PECR: variants seen among roughly 807,000 people sequenced by gnomAD.
PECR encodes 2,4-dienoyl-CoA reductase-related protein.
In PECR, 30 loss-of-function variants were observed where a neutral mutation model predicts 35.3. The ratio of observed to expected loss-of-function variants is 0.85; its 90% CI spans 0.64 to 1.15. PECR has a LOEUF of 1.15. Ranked by LOEUF, PECR falls within the 50% of genes most tolerant of loss-of-function variation. PECR has a pLI of 0.00. For synonymous variants in PECR, 148 were observed against 138.9 expected, an observed-to-expected ratio of 1.07 and a Z score of -0.46; for missense variants, 392 against 370.8, an observed-to-expected ratio of 1.06 and a Z score of -0.47.
chr2:216,031,570 GGAAGGAAAGAAA>G (rs1694700518), intron 7 of PECR, among the ~76,000 whole-genome samples: 1 of 140,052 alleles, frequency 7.1e-6, no homozygotes, highest in East Asian at 2.1e-4. Context: ...AGGGAAGGAA[GGAAGGAAAGAAA>G]GAAGGAAAGA....
chr2:216,080,885 C>T (rs889561541), intron 1 of PECR, among the ~76,000 whole-genome samples: 1 of 152,134 alleles, frequency 6.6e-6, no homozygotes, highest in Non-Finnish European at 1.5e-5. Flanking sequence ...AATCTAGTGG[C>T]TCAGCCTGTA....
At chr2:216,056,302 A>G (rs1461239970) in intron 4 of PECR, among the ~76,000 whole-genome samples, 1 of 152,216 alleles carries the variant, frequency 6.6e-6, no homozygotes, top group East Asian at 1.9e-4. Flanking sequence ...TCTATTGTAG[A>G]GGATACCTAA....
chr2:216,063,531 T>C (rs761284192), intron 3 of PECR, among the ~76,000 whole-genome samples: 7 of 151,580 alleles, frequency 4.6e-5, no homozygotes, highest in African/African-American at 9.7e-5. Context: ...GGCAGGAAAA[T>C]TGCTTGAACC....
chr2:216,054,236 G>T (rs1695179469), intron 4 of PECR, among the ~76,000 whole-genome samples: 1 of 148,630 alleles, frequency 6.7e-6, no homozygotes, highest in South Asian at 2.1e-4. Flanking sequence ...GCAGTGAGCC[G>T]AGATCGCACC....
At chr2:216,043,825 T>G in intron 7 of PECR, 79 bp downstream of exon 7, 1 of 751,552 alleles carries the variant, frequency 1.3e-6, no homozygotes, top group South Asian at 1.4e-5. Flanking sequence ...ATCTCTTAAG[T>G]AACTACTTAT....
intron 1 of PECR, among the ~76,000 whole-genome samples, chr2:216,079,753 G>C (rs1224097710): frequency 6.7e-6 from 1 of 149,622 alleles, no homozygotes. Context: ...AGGCCGAGGC[G>C]GGCGGATCAC....
intron 6 of PECR, 29 bp from the exon 7 acceptor site, chr2:216,044,044 G>A: frequency 8.2e-7 from 1 of 1,225,482 alleles, no homozygotes; most frequent in Non-Finnish European, 1.2e-6. Flanking sequence ...ATGTGCATAG[G>A]TAAAAGCAAA....
chr2:216,041,879 G>C (rs1050840532), intron 7 of PECR, among the ~76,000 whole-genome samples: 4 of 152,330 alleles, frequency 2.6e-5, no homozygotes, highest in African/African-American at 7.2e-5. Context: ...CCTGGCAGGT[G>C]GTGGGGCCAA....
Position 216,066,425 on chromosome 2 carries a change from C to CG in PECR, c.217dup (p.Arg73ProfsTer12). ...GATGTTGCATTGTATGGGAATGACTCGTGCCTGCTTTGTGGGAGGTAGGTT... is the reference window on the plus strand; with the variant it reads ...GATGTTGCATTGTATGGGAATGACTCGGTGCCTGCTTTGTGGGAGGTAGGTT... On this transcript the variant is annotated frameshift_variant, in exon 2 of 8. Transcript: ENST00000265322. LOFTEE classifies it high-confidence loss of function. 6.2e-7 allele frequency: 1 copy of CG among 1,613,510 alleles called. No homozygotes were observed. Among genetic ancestry groups the CG allele is most frequent in the Non-Finnish European group, 8.5e-7 (1 of 1,179,404 alleles).
intron 1 of PECR, among the ~76,000 whole-genome samples, chr2:216,072,208 AT>A (rs1416077888): frequency 2.6e-5 from 4 of 152,156 alleles, no homozygotes; most frequent in Admixed American, 6.5e-5. Flanking sequence ...ACTCACTGTC[AT>A]CCCCTGGGAG....
At chr2:216,076,269 T>C (rs904721312) in intron 1 of PECR, among the ~76,000 whole-genome samples, 3 of 152,166 alleles carry the variant, frequency 2.0e-5, no homozygotes, top group African/African-American at 7.2e-5. Context: ...CTCGGCTCAC[T>C]GCAACCTCCG....
chr2:216,044,520 A>C (rs144347961), intron 6 of PECR, among the ~76,000 whole-genome samples: 35 of 152,264 alleles, frequency 2.3e-4, no homozygotes, highest in African/African-American at 6.3e-4. Context: ...ACACACATTC[A>C]AAGGAGCTCT....
At chr2:216,045,127 G>T (rs1017965960) in intron 6 of PECR, among the ~76,000 whole-genome samples, 3 of 152,178 alleles carry the variant, frequency 2.0e-5, no homozygotes, top group Non-Finnish European at 4.4e-5. Flanking sequence ...GAGGGAGTGG[G>T]TCCTTAAATT....
At chr2:216,071,431 G>A (rs770554215) in intron 1 of PECR, among the ~76,000 whole-genome samples, 50 of 151,912 alleles carry the variant, frequency 3.3e-4, no homozygotes, top group Non-Finnish European at 6.0e-4. Context: ...CATCCTTCTC[G>A]TGCAACAGTA....
intron 2 of PECR, 67 bp downstream of exon 2, chr2:216,066,318 C>A: frequency 3.0e-6 from 4 of 1,333,110 alleles, no homozygotes; most frequent in Admixed American, 3.4e-5. Flanking sequence ...TGAAGCATAG[C>A]CAGGTTTAAG....
At chr2:216,034,173 C>T (rs987337961), downstream of PECR, 1 of 152,174 alleles carries the variant, frequency 6.6e-6, no homozygotes, top group Admixed American at 6.5e-5. Context: ...CACAAGGTGG[C>T]ACTGCTTTGA....
downstream of PECR, among the ~76,000 whole-genome samples, chr2:216,036,010 G>A (rs1488216213): frequency 6.6e-6 from 1 of 152,232 alleles, no homozygotes; most frequent in East Asian, 1.9e-4. Flanking sequence ...GCAAGAGTTT[G>A]TCTTTCCTGC....
chr2:216,070,218 T>C (rs531414725), intron 1 of PECR, among the ~76,000 whole-genome samples: 1 of 152,334 alleles, frequency 6.6e-6, no homozygotes, highest in Non-Finnish European at 1.5e-5. Context: ...TGGGGTAAAA[T>C]GTGATATTTT....
At chr2:216,067,650 G>A (rs998799238) in intron 1 of PECR, among the ~76,000 whole-genome samples, 3 of 151,270 alleles carry the variant, frequency 2.0e-5, no homozygotes, top group South Asian at 2.1e-4. Context: ...TCCACCTCCC[G>A]GGTTCAAGTG....
Sources: gnomAD v4.1 joint callset for allele counts (sites outside exome capture counted in the v4.1 genomes callset) on GRCh38, gnomAD v4.1.1 for gene constraint, MANE v1.5 for transcripts, NCBI Gene and HGNC (gene_info 2026-07-23, HGNC 2026-07-21) for gene names.